Variants in AKAP17A observed in about 807,000 individuals in gnomAD.
The protein encoded by AKAP17A is A-kinase anchoring protein 17A.
Under a neutral mutation model 52.2 loss-of-function variants are expected in AKAP17A, and 15 were observed. The ratio of observed to expected loss-of-function variants is 0.29; its 90% CI spans 0.19 to 0.44. The LOEUF is 0.44. Ranked by LOEUF, AKAP17A falls within the 20% of genes least tolerant of loss-of-function variation. The probability of loss-of-function intolerance (pLI) is 1.00; values close to 1 mark genes in which losing one functional copy is unlikely to be tolerated. For missense variants in AKAP17A, 1,060 were observed against 1,007.0 expected (o/e 1.05, Z -0.71); for synonymous variants, 514 against 424.7 (o/e 1.21, Z -2.58).
intron 4 of AKAP17A, chrX:1,600,245 T>C (rs1212749292): frequency 1.1e-5 from 14 of 1,287,378 alleles, no homozygotes; most frequent in Non-Finnish European, 1.4e-5. Context: ...TAGGCCAGGC[T>C]CGCCCCGCAG....
At chrX:1,600,310 C>G in intron 4 of AKAP17A, 1 of 842,050 alleles carries the variant, frequency 1.2e-6, no homozygotes, top group South Asian at 1.6e-5. Flanking sequence ...TGCTGGCGGC[C>G]GCTTGTGACC....
chrX:1,600,955 G>T lies in AKAP17A; in HGVS notation c.1449G>T (p.Thr483=), dbSNP rs187004063. ...TVSSGCVSAT[T]LHPLGGQPPA... ...CGTCCGGCTGTGTGAGCGCCACCACGCTGCACCCCCTCGGGGGCCAGCCCC... is the reference window on the plus strand; with the variant it reads ...CGTCCGGCTGTGTGAGCGCCACCACTCTGCACCCCCTCGGGGGCCAGCCCC... The change falls in exon 5 of 5, where the codon ACG becomes ACT. Residue 483 remains threonine, a synonymous_variant. Coordinates refer to ENST00000313871, the MANE Select transcript of AKAP17A (RefSeq NM_005088.3). The T allele has an allele frequency of 5.0e-6, 8 of 1,586,386 alleles. No homozygotes were observed. Among genetic ancestry groups the T allele is most frequent in the East Asian group, 4.6e-5 (2 of 43,490 alleles).
At chrX:1,598,004 G>GC (rs1418630684) in intron 3 of AKAP17A, among the ~76,000 whole-genome samples, 8 of 152,202 alleles carry the variant, frequency 5.3e-5, no homozygotes, top group Non-Finnish European at 1.2e-4. Context: ...GCCCAGGGCA[G>GC]CCTCCTGCAT....
rs368558285 is a variant in AKAP17A at position 1,600,967 on chromosome X, C to T, written c.1461C>T (p.Leu487=). 186 of 1,589,902 alleles carry T rather than the reference C, an allele frequency of 1.2e-4. No homozygotes were observed. The highest frequency in any genetic ancestry group is 1.6e-4 in the African/African-American group (12 of 74,390). The stretch of plus-strand genomic sequence containing the variant: ...TGAGCGCCACCACGCTGCACCCCCT[C>T]GGGGGCCAGCCCCCGGCCGGTGCCC... The part of the protein sequence containing the change: ...GCVSATTLHP[L]GGQPPAGAPK... The change falls in exon 5 of 5, where the codon CTC becomes CTT. Residue 487 remains leucine (L), a synonymous_variant. Coordinates refer to ENST00000313871, the MANE Select transcript of AKAP17A (RefSeq NM_005088.3).
chrX:1,592,910 G>A (rs1264283073), intron 1 of AKAP17A, among the ~76,000 whole-genome samples: 2 of 152,276 alleles, frequency 1.3e-5, no homozygotes, highest in East Asian at 1.9e-4. Flanking sequence ...GATTACTAGG[G>A]TTCATGGTTC....
Position 1,600,718 on chromosome X carries a change from G to T in AKAP17A, c.1212G>T (p.Glu404Asp). 1 of 1,547,244 alleles carries T rather than the reference G, an allele frequency of 6.5e-7. No individual in the cohort carries two copies. The change falls in exon 5 of 5, where the codon GAG (glutamate) becomes GAT (aspartate). Residue 404 changes from glutamate (E) to aspartate (D), a missense_variant. Around this residue, in one of 2 missense-constraint regions of AKAP17A, gnomAD observed 793 missense variants for 629.9 expected, o/e 1.26. Coordinates refer to ENST00000313871, the MANE Select transcript of AKAP17A (RefSeq NM_005088.3). Reference protein sequence around the residue: ...KEEKLRLQQQEERRRLQEAEL... With the variant: ...KEEKLRLQQQDERRRLQEAEL... ...AGAAGCTGAGGCTCCAGCAGCAGGA[G>T]GAGCGGCGGCGGCTGCAGGAGGCCG...
chrX:1,593,896 G>A lies in AKAP17A; in HGVS notation c.434G>A (p.Arg145Gln). Residue 145 changes from arginine to glutamine, a missense_variant, in exon 2 of 5, where the codon CGG (arginine) becomes CAG (glutamine). Transcript: ENST00000313871. ...ATGAACGAGACCCTGCCGGGGGAGC[G>A]GCCGGACACCATCCACCTGGAGGGG... ...KDMNETLPGE[R>Q]PDTIHLEGLP... 2 of 1,612,090 alleles carry A rather than the reference G, an allele frequency of 1.2e-6. No homozygotes were observed. Among genetic ancestry groups the A allele is most frequent in the South Asian group, 2.2e-5 (2 of 90,884 alleles).
Position 1,601,169 on chromosome X carries a change from C to T in AKAP17A, c.1663C>T (p.Gln555Ter). 6.2e-7 allele frequency: 1 copy of T among 1,613,972 alleles called. No individual in the cohort carries two copies. Among genetic ancestry groups the T allele is most frequent in the Non-Finnish European group, 8.5e-7 (1 of 1,179,844 alleles). The change falls in exon 5 of 5, where the codon CAA (glutamine) becomes TAA (stop). Residue 555 changes from glutamine to a stop codon, truncating the protein, a stop_gained. Transcript: ENST00000313871. LOFTEE classifies it high-confidence loss of function. ...GVLSCIPDNNQQPKGIPACEQ... is the reference protein window; with the variant it reads ...GVLSCIPDNN ...CCTCTCCTGCATTCCTGACAACAAC[C>T]AACAGCCCAAGGGCATCCCTGCCTG...
chrX:1,596,729 TCCGTCCCTC>T (rs1282409660), intron 3 of AKAP17A, among the ~76,000 whole-genome samples: 941 of 73,322 alleles, frequency 0.013, 437 homozygotes, highest in African/African-American at 0.02. Flanking sequence ...CTCCTCCTTC[TCCGTCCCTC>T]CCACCCTCCT....
chrX:1,599,402 G>C lies in AKAP17A; in HGVS notation c.1122G>C (p.Arg374=). 6.4e-7 allele frequency: 1 copy of C among 1,570,200 alleles called. No homozygotes were observed. Among genetic ancestry groups the C allele is most frequent in the Non-Finnish European group, 8.6e-7 (1 of 1,158,832 alleles). Residue 374 remains arginine, a synonymous_variant, in exon 4 of 5, where the codon CGG becomes CGC. Coordinates refer to ENST00000313871, the MANE Select transcript of AKAP17A (RefSeq NM_005088.3). ...CCCAGAGGAACCTGCAGTCCATCCG[G>C]CTCATCGCCGAGCTGCTCAGCAGAG... ...LLAQRNLQSI[R]LIAELLSRAK...
chrX:1,595,554 C>A, intron 3 of AKAP17A, 22 bp downstream of exon 3: 1 of 1,613,046 alleles, frequency 6.2e-7, no homozygotes, highest in South Asian at 1.1e-5. Flanking sequence ...GGGAGCGGGC[C>A]CTCGGCGCTG....
At chrX:1,599,575 C>T (rs769366785) in intron 4 of AKAP17A, 143 bp downstream of exon 4, 47 of 1,156,142 alleles carry the variant, frequency 4.1e-5, no homozygotes, top group East Asian at 3.8e-4. Flanking sequence ...CCGAGGATGA[C>T]GGCTCCTTCC....
chrX:1,598,696 G>C (rs1256995188), intron 3 of AKAP17A, among the ~76,000 whole-genome samples: 5 of 152,134 alleles, frequency 3.3e-5, no homozygotes, highest in African/African-American at 9.7e-5. Context: ...GCGTGGCTGT[G>C]GTTGGATTTG....
Position 1,600,916 on chromosome X carries a change from C to T in AKAP17A, c.1410C>T (p.Ile470=), listed in dbSNP as rs774068211. The part of the protein sequence containing the change: ...HADLLQPVLD[I]LQTVSSGCVS... Reference sequence around the variant, plus strand: ...ACCTGCTGCAGCCCGTCCTGGACATCCTGCAGACCGTGTCGTCCGGCTGTG... The same window carrying T: ...ACCTGCTGCAGCCCGTCCTGGACATTCTGCAGACCGTGTCGTCCGGCTGTG... The change falls in exon 5 of 5, where the codon ATC becomes ATT. Residue 470 remains isoleucine, a synonymous_variant. Coordinates refer to ENST00000313871, the MANE Select transcript of AKAP17A (RefSeq NM_005088.3). 6.3e-7 allele frequency: 1 copy of T among 1,576,920 alleles called. No homozygotes were observed. The highest frequency in any genetic ancestry group is 1.8e-5 in the Admixed American group (1 of 54,322).
At chrX:1,594,466 A>G (rs1932901611) in intron 2 of AKAP17A, among the ~76,000 whole-genome samples, 1 of 152,138 alleles carries the variant, frequency 6.6e-6, no homozygotes, top group Non-Finnish European at 1.5e-5. Flanking sequence ...GACACAGGTC[A>G]TATAGTAGGT....
intron 3 of AKAP17A, among the ~76,000 whole-genome samples, chrX:1,598,319 G>T (rs2149444165): frequency 6.6e-6 from 1 of 152,318 alleles, no homozygotes; most frequent in South Asian, 2.1e-4. Context: ...TCTTGGGGTG[G>T]CAGAGCGTGG....
In AKAP17A at chrX:1,601,683, C is replaced by G. The variant is rs1248762457; in HGVS notation, c.*89C>G. 69 of 1,254,594 alleles carry G rather than the reference C, an allele frequency of 5.5e-5. No homozygotes were observed. Among genetic ancestry groups the G allele is most frequent in the Middle Eastern group, 2.9e-4 (1 of 3,490 alleles). The allele number at this position is 1,254,594 out of a possible 1,614,324, so 77.7% of individuals were successfully genotyped here. A position where few individuals can be genotyped will look rare whatever the true frequency, so the allele number is the denominator to read the frequency against. ...CGCTCCTTGGCCGCTCTCCGTCCAC[C>G]CCTGCAAAGCCAAGACCCTTCTGCA... On this transcript the variant is annotated 3_prime_UTR_variant, in exon 5 of 5. Transcript: ENST00000313871.
At position 1,600,860 on chromosome X, in the gene AKAP17A, A is replaced by C. The variant is rs1411942818; in HGVS notation, c.1354A>C (p.Thr452Pro). ...GAGCAAGAAGCCGGACGACAGCCACACACACGACGAGCTGGGCGTGGCACA... is the reference window on the plus strand; with the variant it reads ...GAGCAAGAAGCCGGACGACAGCCACCCACACGACGAGCTGGGCGTGGCACA... ...LLSKKPDDSH[T>P]HDELGVAHAD... Residue 452 changes from threonine (T) to proline (P), a missense_variant, in exon 5 of 5, where the codon ACA becomes CCA. Physicochemically the swap from Thr to Pro is conservative, Grantham distance 38. Coordinates refer to ENST00000313871, the MANE Select transcript of AKAP17A (RefSeq NM_005088.3). 1 of 1,590,090 alleles carries C rather than the reference A, an allele frequency of 6.3e-7. No homozygotes were observed. The highest frequency in any genetic ancestry group is 1.3e-5 in the African/African-American group (1 of 74,694).
chrX:1,593,436 T>G lies in AKAP17A; in HGVS notation c.-19-8T>G, dbSNP rs200309388. On this transcript the variant is annotated splice_polypyrimidine_tract_variant and splice_region_variant and intron_variant, in intron 1 of 4. Coordinates refer to ENST00000313871, the MANE Select transcript of AKAP17A (RefSeq NM_005088.3). Reference sequence around the variant, plus strand: ...GCTGGTGCTGACTGTCTGCGTCTTATGTTTCAGGCCCAAGGTCCCGGAGGC... The same window carrying G: ...GCTGGTGCTGACTGTCTGCGTCTTAGGTTTCAGGCCCAAGGTCCCGGAGGC... 1.3e-6 allele frequency: 2 copies of G among 1,598,308 alleles called. No homozygotes were observed. The highest frequency in any genetic ancestry group is 8.5e-7 in the Non-Finnish European group (1 of 1,170,004).
Sources: allele counts gnomAD v4.1 joint callset (sites outside exome capture counted in the v4.1 genomes callset), GRCh38; gene constraint gnomAD v4.1.1; regional missense constraint gnomAD v4.1.1; transcripts MANE v1.5; gene names NCBI Gene and HGNC (gene_info 2026-07-23, HGNC 2026-07-21).